XPO6: variants seen among roughly 807,000 people sequenced by gnomAD.
XPO6 encodes exportin-6.
A neutral mutation model predicts 130.0 loss-of-function variants in XPO6; 3 were observed. The ratio of observed to expected loss-of-function variants is 0.02; its 90% CI spans 0.01 to 0.06. XPO6 has a LOEUF of 0.06. Among genes scored for constraint, XPO6 ranks in the 10% least tolerant of loss-of-function variants. The pLI, the probability that XPO6 is intolerant of heterozygous loss-of-function variation, is 1.00. For missense variants in XPO6, 970 were observed against 1,393.0 expected, an observed-to-expected ratio of 0.70 and a Z score of 4.83; for synonymous variants, 524 against 548.9, an observed-to-expected ratio of 0.95 and a Z score of 0.63.
intron 21 of XPO6, among the ~76,000 whole-genome samples, chr16:28,102,999 C>G (rs2086685212): frequency 6.6e-6 from 1 of 152,104 alleles, no homozygotes; most frequent in Admixed American, 6.5e-5. Flanking sequence ...CAATAGTTTC[C>G]ACTTATTTAC....
intron 12 of XPO6, among the ~76,000 whole-genome samples, chr16:28,128,785 G>A (rs1476447169): frequency 3.3e-5 from 5 of 152,086 alleles, no homozygotes; most frequent in African/African-American, 7.2e-5. Flanking sequence ...TCACAAACAC[G>A]GGTAAAGTAA....
chr16:28,158,537 T>C (rs1390598652), intron 6 of XPO6, among the ~76,000 whole-genome samples: 2 of 152,252 alleles, frequency 1.3e-5, no homozygotes. Flanking sequence ...TCACAGATAT[T>C]TTTAAATGAA....
chr16:28,200,497 T>C (rs2043937879), intron 1 of XPO6, among the ~76,000 whole-genome samples: 1 of 152,018 alleles, frequency 6.6e-6, no homozygotes, highest in Admixed American at 6.5e-5. Flanking sequence ...TTCTTTTTTT[T>C]TTTGAGACGG....
rs922188387 is a variant in XPO6, at chr16:28,112,074, C to T, written c.2152-68G>A. ...AGACCGTGGTGCGGCATGCCCAACA[C>T]AGCCTTCAGCACCCGCTGGCTGCAC... On this transcript the variant is annotated intron_variant, in intron 16 of 23. Transcript: ENST00000304658. The T allele has an allele frequency of 2.7e-5, 41 of 1,510,250 alleles. No individual in the cohort carries two copies. In the African/African-American group the frequency reaches 5.1e-4, roughly 19 times the overall value. 93.6% of individuals were successfully genotyped at this position (1,510,250 alleles called of 1,614,324 possible).
At chr16:28,188,478 C>T (rs1216648484) in intron 1 of XPO6, among the ~76,000 whole-genome samples, 1 of 151,952 alleles carries the variant, frequency 6.6e-6, no homozygotes, top group Non-Finnish European at 1.5e-5. Flanking sequence ...ATAAAGGTTT[C>T]GAAGAAAAGT....
intron 4 of XPO6, among the ~76,000 whole-genome samples, chr16:28,174,048 T>C (rs2043496100): frequency 6.6e-6 from 1 of 152,080 alleles, no homozygotes; most frequent in Admixed American, 6.6e-5. Context: ...CTGTCTCCAG[T>C]GGGCTTCCCT....
At chr16:28,174,971 G>A (rs2043511025) in intron 4 of XPO6, among the ~76,000 whole-genome samples, 1 of 152,126 alleles carries the variant, frequency 6.6e-6, no homozygotes, top group South Asian at 2.1e-4. Flanking sequence ...CCTGATCCCA[G>A]ATCCACACTT....
intron 23 of XPO6, among the ~76,000 whole-genome samples, chr16:28,100,026 C>T (rs990026254): frequency 5.9e-5 from 9 of 152,088 alleles, no homozygotes; most frequent in African/African-American, 1.7e-4. Context: ...CCCACTCTGC[C>T]GCCCAGGCTG....
intron 1 of XPO6, among the ~76,000 whole-genome samples, chr16:28,193,246 TATAG>T (rs2043811759): frequency 6.6e-6 from 1 of 152,136 alleles, no homozygotes; most frequent in African/African-American, 2.4e-5. Flanking sequence ...TCCCTGCAAA[TATAG>T]ATAATGTTGC....
At chr16:28,117,603 C>T (rs982465446) in intron 14 of XPO6, 141 bp from the exon 15 acceptor site, 7 of 1,052,360 alleles carry the variant, frequency 6.7e-6, no homozygotes, top group Non-Finnish European at 8.1e-6. Flanking sequence ...AATCATTTAC[C>T]GGTTCACGTA....
At chr16:28,190,372 A>G (rs1239085996) in intron 1 of XPO6, among the ~76,000 whole-genome samples, 1 of 152,018 alleles carries the variant, frequency 6.6e-6, no homozygotes, top group East Asian at 1.9e-4. Context: ...GGTGCCCGCC[A>G]CCACACCTGG....
At chr16:28,201,073 C>T (rs961837891) in intron 1 of XPO6, among the ~76,000 whole-genome samples, 2 of 152,082 alleles carry the variant, frequency 1.3e-5, no homozygotes, top group Admixed American at 6.6e-5. Flanking sequence ...TGTTCCTCAG[C>T]GGTTCTCCCA....
chr16:28,102,082 C>T (rs1186381261), intron 21 of XPO6, 137 bp from the exon 22 acceptor site: 4 of 644,266 alleles, frequency 6.2e-6, no homozygotes, highest in Admixed American at 2.9e-5. Context: ...CAGACCTCTA[C>T]GACGCTCCTC....
At chr16:28,168,283 G>A (rs2043390011) in intron 5 of XPO6, among the ~76,000 whole-genome samples, 1 of 152,088 alleles carries the variant, frequency 6.6e-6, no homozygotes, top group South Asian at 2.1e-4. Flanking sequence ...CTAAGAGTTA[G>A]AGACTAGCCT....
intron 1 of XPO6, among the ~76,000 whole-genome samples, chr16:28,191,284 T>C (rs2043783566): frequency 6.6e-6 from 1 of 152,198 alleles, no homozygotes; most frequent in African/African-American, 2.4e-5. Context: ...GAAGGCTTAA[T>C]TAAACAGCCA....
intron 1 of XPO6, among the ~76,000 whole-genome samples, chr16:28,197,588 C>A (rs979606266): frequency 1.3e-5 from 2 of 152,014 alleles, no homozygotes; most frequent in African/African-American, 2.4e-5. Flanking sequence ...ACTCGTGTAA[C>A]CTTTCTGGAA....
intron 1 of XPO6, 73 bp from the exon 2 acceptor site, chr16:28,181,104 C>T: frequency 8.8e-7 from 1 of 1,135,800 alleles, no homozygotes; most frequent in Non-Finnish European, 1.3e-6. Context: ...CCTTCTAGGT[C>T]ACATTCAACA....
intron 17 of XPO6, among the ~76,000 whole-genome samples, chr16:28,108,400 T>C (rs1231487147): frequency 1.3e-5 from 2 of 152,084 alleles, no homozygotes; most frequent in Non-Finnish European, 2.9e-5. Flanking sequence ...CAGGTGACCA[T>C]CTGAAGGCTA....
intron 1 of XPO6, among the ~76,000 whole-genome samples, chr16:28,185,078 T>C (rs1471086048): frequency 6.6e-6 from 1 of 152,242 alleles, no homozygotes; most frequent in African/African-American, 2.4e-5. Flanking sequence ...GAGAATATTA[T>C]AAGACAACAG....
Sources: allele counts gnomAD v4.1 joint callset (sites outside exome capture counted in the v4.1 genomes callset), GRCh38; gene constraint gnomAD v4.1.1; transcripts MANE v1.5; gene names NCBI Gene and HGNC (gene_info 2026-07-23, HGNC 2026-07-21).